The following SEPTIN9 variants were observed in gnomAD, a reference collection of about 807,000 sequenced individuals.
The protein encoded by SEPTIN9 is septin 9.
A neutral mutation model predicts 56.6 loss-of-function variants in SEPTIN9; 13 were observed. The ratio of observed to expected loss-of-function variants is 0.23; its 90% CI spans 0.15 to 0.37. SEPTIN9 has a LOEUF of 0.37. SEPTIN9 is among the 10% of genes least tolerant of loss of function. The pLI, the probability that SEPTIN9 is intolerant of heterozygous loss-of-function variation, is 1.00. For missense variants in SEPTIN9, 650 were observed against 823.1 expected, an observed-to-expected ratio of 0.79 and a Z score of 2.57; for synonymous variants, 332 against 334.1, an observed-to-expected ratio of 0.99 and a Z score of 0.07.
chr17:77,388,987 A>G (rs2144021822), intron 2 of SEPTIN9, among the ~76,000 whole-genome samples: 1 of 151,982 alleles, frequency 6.6e-6, no homozygotes, highest in East Asian at 1.9e-4. Context: ...CTTGTCCGGG[A>G]GGCTGGACCC....
At chr17:77,428,811 A>G (rs2037013321) in intron 3 of SEPTIN9, 1 of 367,812 alleles carries the variant, frequency 2.7e-6, no homozygotes, top group Non-Finnish European at 5.5e-6. Flanking sequence ...TGTGGGCCCA[A>G]AGGAGCTGGA....
chr17:77,462,916 G>A (rs773474119), intron 3 of SEPTIN9, among the ~76,000 whole-genome samples: 30 of 152,126 alleles, frequency 2.0e-4, no homozygotes, highest in Non-Finnish European at 2.9e-4. Flanking sequence ...TGCTGGGATT[G>A]TAGGTGTGAG....
rs1005107677 is a variant in SEPTIN9 at position 77,405,117 on chromosome 17, C to G, written c.721+2414C>G. On this transcript the variant is annotated intron_variant, in intron 3 of 11. Transcript: ENST00000427177. The surrounding 1 kb of genome is among the most constrained non-coding windows in gnomAD (Gnocchi z 5.8). ...ATGGCTGGTGCTGGATGCACAGGGA[C>G]GTGGTCCTGGCTCTGGGGGACAGGT... The G allele has an allele frequency of 6.5e-7, 1 of 1,535,392 alleles. No individual in the cohort carries two copies. Among genetic ancestry groups the G allele is most frequent in the South Asian group, 1.2e-5 (1 of 84,030 alleles).
chr17:77,402,113 C>T lies in SEPTIN9; in HGVS notation c.131C>T (p.Pro44Leu), dbSNP rs1174889568. 1 of 1,613,974 alleles carries T rather than the reference C, an allele frequency of 6.2e-7. No homozygotes were observed. Among genetic ancestry groups the T allele is most frequent in the Non-Finnish European group, 8.5e-7 (1 of 1,179,884 alleles). ...GTCGAGACACCCAACTCCACCCCACCCCGGAGGGTCCAGACTCCCCTACTC... is the reference window on the plus strand; with the variant it reads ...GTCGAGACACCCAACTCCACCCCACTCCGGAGGGTCCAGACTCCCCTACTC... The part of the protein sequence containing the change: ...EEVETPNSTP[P>L]RRVQTPLLRA... The change falls in exon 3 of 12, where the codon CCC becomes CTC. Residue 44 changes from proline (P) to leucine (L), a missense_variant. Coordinates refer to ENST00000427177, the MANE Select transcript of SEPTIN9 (RefSeq NM_001113491.2). The surrounding 1 kb of genome is among the most constrained non-coding windows in gnomAD (Gnocchi z 6.6).
rs2034715464 is a variant in SEPTIN9 at position 77,371,389 on chromosome 17, A to T, written c.77-30670A>T. On this transcript the variant is annotated intron_variant, in intron 2 of 11. Coordinates refer to ENST00000427177, the MANE Select transcript of SEPTIN9 (RefSeq NM_001113491.2). The surrounding 1 kb of genome is among the most constrained non-coding windows in gnomAD (Gnocchi z 4.1). ...GAGATGGAGAATGTACAATTGGCTGACCCTGTGCTAATCTGGTGGAACTCC... is the reference window on the plus strand; with the variant it reads ...GAGATGGAGAATGTACAATTGGCTGTCCCTGTGCTAATCTGGTGGAACTCC... 6.6e-6 allele frequency among the ~76,000 whole-genome samples: 1 copy of T among 152,198 alleles called. No homozygotes were observed. Among genetic ancestry groups the T allele is most frequent in the African/African-American group, 2.4e-5 (1 of 41,448 alleles).
chr17:77,468,047 C>T (rs1004029137), intron 3 of SEPTIN9, among the ~76,000 whole-genome samples: 2 of 152,068 alleles, frequency 1.3e-5, no homozygotes, highest in African/African-American at 4.8e-5. Context: ...GGGCGGATTA[C>T]GAGGTCAGGA....
chr17:77,290,495 G>A, intron 1 of SEPTIN9, among the ~76,000 whole-genome samples: 1 of 151,400 alleles, frequency 6.6e-6, no homozygotes, highest in South Asian at 2.1e-4. Flanking sequence ...TTCTGACCTC[G>A]TGATCCACTC....
intron 2 of SEPTIN9, among the ~76,000 whole-genome samples, chr17:77,364,525 CCTCTTCT>C (rs2034515275): frequency 6.6e-6 from 1 of 152,206 alleles, no homozygotes; most frequent in African/African-American, 2.4e-5. Flanking sequence ...CGGAGAGGTT[CCTCTTCT>C]CTCTTCTCCA....
At chr17:77,351,093 T>C (rs2034048020) in intron 2 of SEPTIN9, among the ~76,000 whole-genome samples, 1 of 151,950 alleles carries the variant, frequency 6.6e-6, no homozygotes, top group African/African-American at 2.4e-5. Flanking sequence ...GTGTATGCAC[T>C]TGCACATGTG....
Position 77,439,624 on chromosome 17 carries a change from A to AGATCTGCTCACCT in SEPTIN9, c.721+36925_721+36926insTGCTCACCTGATC, listed in dbSNP as rs373426990. Among the ~76,000 whole-genome samples, 1,143 of 152,246 alleles carry AGATCTGCTCACCT rather than the reference A, an allele frequency of 7.5e-3. 11 individuals are homozygous for AGATCTGCTCACCT. The highest frequency in any genetic ancestry group is 0.033 in the East Asian group (168 of 5,158). ...TGAGCTGAGTGGGGATCAGGTGAGC[A>AGATCTGCTCACCT]GATCCCCACACCTTAACTGCTGTGA... On this transcript the variant is annotated intron_variant, in intron 3 of 11. Transcript: ENST00000427177.
chr17:77,478,079 T>C (rs2039299610), intron 3 of SEPTIN9, among the ~76,000 whole-genome samples: 1 of 151,884 alleles, frequency 6.6e-6, no homozygotes, highest in African/African-American at 2.4e-5. Context: ...GGTTGCCAAA[T>C]TCAGTGAGGG....
intron 2 of SEPTIN9, among the ~76,000 whole-genome samples, chr17:77,346,321 T>C (rs2033895731): frequency 7.0e-6 from 1 of 142,836 alleles, no homozygotes; most frequent in Non-Finnish European, 1.5e-5. Context: ...TCTTTTCTAA[T>C]ATAAGCACTT....
chr17:77,378,153 A>G (rs920773953), intron 2 of SEPTIN9, among the ~76,000 whole-genome samples: 3 of 152,268 alleles, frequency 2.0e-5, no homozygotes, highest in East Asian at 3.9e-4. Context: ...AAACGCCAGG[A>G]CACCCCTGCA....
chr17:77,289,783 T>C (rs892476571), intron 1 of SEPTIN9, among the ~76,000 whole-genome samples: 2 of 152,244 alleles, frequency 1.3e-5, no homozygotes, highest in Non-Finnish European at 2.9e-5. Flanking sequence ...TCTTTCTCTT[T>C]TGCTTTTTGT....
Position 77,492,944 on chromosome 17 carries a change from C to T in SEPTIN9, c.1477-36C>T, listed in dbSNP as rs539127085. 1 of 1,538,884 alleles carries T rather than the reference C, an allele frequency of 6.5e-7. No individual in the cohort carries two copies. Among genetic ancestry groups the T allele is most frequent in the South Asian group, 1.2e-5 (1 of 84,616 alleles). ...CCCAGGGGAGGGAATTGCCTTCCCG[C>T]ACATGTGTAACCAATACCGTCTGCC... On this transcript the variant is annotated intron_variant, in intron 9 of 11. Coordinates refer to ENST00000427177, the MANE Select transcript of SEPTIN9 (RefSeq NM_001113491.2). This position sits in a 1 kb window ranked among gnomAD's most constrained non-coding sequence, Gnocchi z 5.4.
intron 10 of SEPTIN9, among the ~76,000 whole-genome samples, chr17:77,494,223 A>G (rs1040260456): frequency 6.6e-6 from 1 of 152,212 alleles, no homozygotes; most frequent in Non-Finnish European, 1.5e-5. Context: ...CAAGGCCTGG[A>G]CCTTGACCAT....
intron 3 of SEPTIN9, chr17:77,454,317 G>A (rs982226872): frequency 8.1e-6 from 8 of 985,386 alleles, no homozygotes; most frequent in Middle Eastern, 5.2e-4. Flanking sequence ...GCCTTCCGGC[G>A]CCGAGCTTTG....
intron 2 of SEPTIN9, among the ~76,000 whole-genome samples, chr17:77,378,328 T>C (rs2035007470): frequency 6.6e-6 from 1 of 152,090 alleles, no homozygotes; most frequent in East Asian, 1.9e-4. Context: ...ACTCTGCCAT[T>C]GGAAAGCTGG....
At chr17:77,365,940 A>C (rs111554990) in intron 2 of SEPTIN9, among the ~76,000 whole-genome samples, 90 of 152,294 alleles carry the variant, frequency 5.9e-4, no homozygotes, top group African/African-American at 2.0e-3. Context: ...CCTGCACTGC[A>C]TCGGTGGCAA....
Sources: allele counts gnomAD v4.1 joint callset (sites outside exome capture counted in the v4.1 genomes callset), GRCh38; gene constraint gnomAD v4.1.1; non-coding constraint Gnocchi (gnomAD v3.1); transcripts MANE v1.5; gene names NCBI Gene and HGNC (gene_info 2026-07-23, HGNC 2026-07-21).